MDFIC2: variants seen among roughly 807,000 people sequenced by gnomAD.
The protein encoded by MDFIC2 is myoD family inhibitor domain-containing protein 2.
intron 2 of MDFIC2, among the ~76,000 whole-genome samples, chr3:70,290,177 C>T (rs1210547577): frequency 1.3e-5 from 2 of 152,100 alleles, no homozygotes; most frequent in African/African-American, 4.8e-5. Context: ...TGTTTTTTCC[C>T]CATCTTTGTG....
At chr3:70,267,551 C>T (rs1254976576) in intron 2 of MDFIC2, among the ~76,000 whole-genome samples, 2 of 150,342 alleles carry the variant, frequency 1.3e-5, no homozygotes, top group Admixed American at 6.6e-5. Context: ...TACAGGCGCC[C>T]GCCACCATGC....
intron 2 of MDFIC2, among the ~76,000 whole-genome samples, chr3:70,236,092 C>T (rs1701605924): frequency 6.6e-6 from 1 of 152,204 alleles, no homozygotes. Context: ...TAGCTCTCTT[C>T]ACTCTTTCCC....
At chr3:70,288,763 T>A (rs1702195237) in intron 2 of MDFIC2, among the ~76,000 whole-genome samples, 1 of 151,924 alleles carries the variant, frequency 6.6e-6, no homozygotes, top group Admixed American at 6.6e-5. Flanking sequence ...TGCATATATA[T>A]TTAGGATAGT....
intron 2 of MDFIC2, among the ~76,000 whole-genome samples, chr3:70,221,187 C>G (rs1320617730): frequency 6.6e-6 from 1 of 152,080 alleles, no homozygotes; most frequent in Non-Finnish European, 1.5e-5. Context: ...AGTTTCCTCT[C>G]CCACATACCC....
chr3:70,261,378 T>C (rs766332172), intron 2 of MDFIC2, among the ~76,000 whole-genome samples: 19 of 152,226 alleles, frequency 1.2e-4, no homozygotes, highest in East Asian at 3.8e-4. Context: ...AACATGCATA[T>C]GTTTAATCTG....
intron 2 of MDFIC2, among the ~76,000 whole-genome samples, chr3:70,244,462 T>C (rs1701688314): frequency 6.6e-6 from 1 of 152,200 alleles, no homozygotes; most frequent in Non-Finnish European, 1.5e-5. Context: ...AGTAATCAAG[T>C]GCATCTGATG....
chr3:70,206,354 C>T (rs1701290573), intron 3 of MDFIC2, among the ~76,000 whole-genome samples: 1 of 152,034 alleles, frequency 6.6e-6, no homozygotes, highest in Non-Finnish European at 1.5e-5. Context: ...AACATGTTGC[C>T]TCTGATTCCC....
intron 2 of MDFIC2, among the ~76,000 whole-genome samples, chr3:70,254,336 T>C (rs1311898698): frequency 1.3e-5 from 2 of 152,202 alleles, no homozygotes; most frequent in Non-Finnish European, 2.9e-5. Flanking sequence ...AAATTGCATA[T>C]TTTTATTCAA....
chr3:70,312,043 A>G, intron 1 of MDFIC2, 70 bp from the exon 2 acceptor site: 1 of 396,260 alleles, frequency 2.5e-6, no homozygotes, highest in Admixed American at 4.4e-5. Flanking sequence ...CGAGTTTTAT[A>G]TTTAGAAACT....
At chr3:70,249,386 C>A (rs1205340437) in intron 2 of MDFIC2, among the ~76,000 whole-genome samples, 1 of 152,100 alleles carries the variant, frequency 6.6e-6, no homozygotes, top group Non-Finnish European at 1.5e-5. Flanking sequence ...CAAATATGAG[C>A]ATTGATTGGA....
intron 2 of MDFIC2, among the ~76,000 whole-genome samples, chr3:70,292,231 C>G (rs1431784169): frequency 6.6e-6 from 1 of 152,108 alleles, no homozygotes; most frequent in Non-Finnish European, 1.5e-5. Flanking sequence ...AGTTGTTGTA[C>G]AGATTGAGTG....
intron 2 of MDFIC2, among the ~76,000 whole-genome samples, chr3:70,263,230 A>G (rs1380988734): frequency 6.6e-6 from 1 of 152,148 alleles, no homozygotes; most frequent in Non-Finnish European, 1.5e-5. Flanking sequence ...TTCTTTCTTC[A>G]GTAATTTTTA....
intron 2 of MDFIC2, among the ~76,000 whole-genome samples, chr3:70,239,374 T>C (rs890712449): frequency 1.3e-5 from 2 of 152,176 alleles, no homozygotes; most frequent in Non-Finnish European, 2.9e-5. Context: ...CTGTCTGAGT[T>C]CTCAACGCTT....
At chr3:70,198,194 T>G (rs1325265470) in intron 3 of MDFIC2, among the ~76,000 whole-genome samples, 1 of 152,178 alleles carries the variant, frequency 6.6e-6, no homozygotes, top group East Asian at 1.9e-4. Flanking sequence ...GAAAGTAACA[T>G]TCTAGCATGA....
At chr3:70,201,692 T>A (rs1311148322) in intron 3 of MDFIC2, among the ~76,000 whole-genome samples, 1 of 152,180 alleles carries the variant, frequency 6.6e-6, no homozygotes, top group Non-Finnish European at 1.5e-5. Flanking sequence ...CCAACCTGCC[T>A]TCCATAATAT....
At chr3:70,257,737 C>A (rs1176073897) in intron 2 of MDFIC2, among the ~76,000 whole-genome samples, 1 of 152,120 alleles carries the variant, frequency 6.6e-6, no homozygotes, top group Non-Finnish European at 1.5e-5. Context: ...CAATCCTCTG[C>A]CAAATGACTT....
rs1221309925 is a variant in MDFIC2 at position 70,282,039 on chromosome 3, T to G, written c.88+29847A>C. On this transcript the variant is annotated intron_variant, in intron 2 of 3. Transcript: ENST00000567252. The stretch of plus-strand genomic sequence containing the variant: ...CACCAGGGGTGCAGTCTAGGTCCCT[T>G]TGCTTGTTGCATATAAAGCCAATCA... Among the ~76,000 whole-genome samples the G allele has an allele frequency of 2.0e-5, 3 of 152,130 alleles. No homozygotes were observed. In the East Asian group the frequency reaches 5.8e-4, roughly 29 times the overall value.
At chr3:70,284,227 T>C (rs994510175) in intron 2 of MDFIC2, among the ~76,000 whole-genome samples, 2 of 152,184 alleles carry the variant, frequency 1.3e-5, no homozygotes, top group Admixed American at 1.3e-4. Flanking sequence ...AGAAATGTGT[T>C]AATAGTAATT....
intron 2 of MDFIC2, among the ~76,000 whole-genome samples, chr3:70,310,376 A>AT (rs908489205): frequency 1.3e-5 from 2 of 151,662 alleles, no homozygotes; most frequent in Non-Finnish European, 2.9e-5. Context: ...TATTATTATT[A>AT]TTTTTTTGAG....
Sources: gnomAD v4.1 joint callset for allele counts (sites outside exome capture counted in the v4.1 genomes callset) on GRCh38, gnomAD v4.1.1 for gene constraint, MANE v1.5 for transcripts, NCBI Gene and HGNC (gene_info 2026-07-23, HGNC 2026-07-21) for gene names.